Variants in PIGN observed in about 807,000 individuals in gnomAD.
PIGN encodes the protein GPI ethanolamine phosphate transferase 1.
In PIGN, 117 loss-of-function variants were observed where a neutral mutation model predicts 125.4. The observed-to-expected ratio is 0.93, with a 90% CI of 0.80 to 1.09. The LOEUF is 1.09. PIGN is among the 50% of genes least tolerant of loss of function. The pLI is 0.00. For synonymous variants in PIGN, 392 were observed against 377.8 expected (o/e 1.04, Z -0.44); for missense variants, 1,075 against 1,094.9 (o/e 0.98, Z 0.26).
At chr18:62,127,427 T>G (rs993132201) in intron 14 of PIGN, among the ~76,000 whole-genome samples, 2 of 152,098 alleles carry the variant, frequency 1.3e-5, no homozygotes, top group Non-Finnish European at 2.9e-5. Flanking sequence ...TGGTTTCTAT[T>G]GAATGCGTAT....
chr18:62,085,193 T>C lies in PIGN; in HGVS notation c.2426+16A>G, dbSNP rs763041828. The C allele has an allele frequency of 7.1e-7, 1 of 1,414,522 alleles. No individual in the cohort carries two copies. Among genetic ancestry groups the C allele is most frequent in the South Asian group, 1.3e-5 (1 of 79,596 alleles). The allele number at this position is 1,414,522 out of a possible 1,614,324, so 87.6% of individuals were successfully genotyped here. ...TTTTTTAGTTATATATATATGCCAC[T>C]TTCATTTAAAATTACCTGTTAATAG... On this transcript the variant is annotated intron_variant, in intron 26 of 30. Coordinates refer to ENST00000640252, the MANE Select transcript of PIGN (RefSeq NM_176787.5).
At chr18:62,156,837 A>G (rs1442815680) in intron 6 of PIGN, among the ~76,000 whole-genome samples, 1 of 152,192 alleles carries the variant, frequency 6.6e-6, no homozygotes, top group Non-Finnish European at 1.5e-5. Flanking sequence ...AGGAAATTGA[A>G]GCTCAGAGAG....
Position 62,126,660 on chromosome 18 carries a change from T to C in PIGN, c.1172+11583A>G, listed in dbSNP as rs139108214. ...CCAATATTCCAGCCTCTAGTATCCT[T>C]AACTGAGGGATTTCACCCAGCCTCA... On this transcript the variant is annotated intron_variant, in intron 14 of 30. Coordinates refer to ENST00000640252, the MANE Select transcript of PIGN (RefSeq NM_176787.5). Among the ~76,000 whole-genome samples the C allele has an allele frequency of 5.1e-3, 772 of 152,240 alleles. 5 individuals carry two copies. Among genetic ancestry groups the C allele is most frequent in the Non-Finnish European group, 8.5e-3 (576 of 68,004 alleles).
At chr18:62,155,546 G>A (rs1252702954) in intron 6 of PIGN, among the ~76,000 whole-genome samples, 1 of 152,072 alleles carries the variant, frequency 6.6e-6, no homozygotes, top group Non-Finnish European at 1.5e-5. Flanking sequence ...TCCAGCCTGG[G>A]CAACAAGGGC....
At chr18:62,046,633 T>C (rs913259936) in intron 30 of PIGN, among the ~76,000 whole-genome samples, 5 of 151,326 alleles carry the variant, frequency 3.3e-5, no homozygotes, top group African/African-American at 9.7e-5. Context: ...GCCAAAAAGG[T>C]TGGGGACTGC....
chr18:62,148,590 T>C (rs1412277533), intron 7 of PIGN, among the ~76,000 whole-genome samples: 1 of 152,182 alleles, frequency 6.6e-6, no homozygotes, highest in African/African-American at 2.4e-5. Context: ...CATAATTTCA[T>C]AGAGATCTCA....
chr18:62,183,627 GTC>G (rs1421359234), intron 1 of PIGN, among the ~76,000 whole-genome samples: 1 of 152,182 alleles, frequency 6.6e-6, no homozygotes, highest in African/African-American at 2.4e-5. Flanking sequence ...ATTAATGTCT[GTC>G]TCTGTCACTT....
intron 2 of PIGN, among the ~76,000 whole-genome samples, chr18:62,162,724 T>A (rs886405710): frequency 6.6e-6 from 1 of 152,152 alleles, no homozygotes; most frequent in African/African-American, 2.4e-5. Flanking sequence ...ACAAAGAGAA[T>A]CTTTATGTGT....
chr18:62,027,731 T>C (rs2030142065), intron 23 of PIGN, among the ~76,000 whole-genome samples: 1 of 152,042 alleles, frequency 6.6e-6, no homozygotes, highest in African/African-American at 2.4e-5. Context: ...CGCCAAGATT[T>C]ATTTTCCTTT....
In PIGN at chr18:62,113,240, A is replaced by C. The variant is rs1420803283; in HGVS notation, c.1328T>G (p.Leu443Trp). 6.2e-7 allele frequency: 1 copy of C among 1,612,814 alleles called. No homozygotes were observed. The highest frequency in any genetic ancestry group is 2.2e-5 in the East Asian group (1 of 44,742). The part of the protein sequence containing the change: ...SYYHTYDRFF[L>W]GVNVVIGFVG... Reference sequence around the variant, plus strand: ...AAAACCAATAACAACATTGACGCCCAAAAAGAATCTGTCATATGTGTGATA... The same window carrying C: ...AAAACCAATAACAACATTGACGCCCCAAAAGAATCTGTCATATGTGTGATA... Residue 443 changes from leucine to tryptophan, a missense_variant, in exon 16 of 31, where the codon TTG becomes TGG. By Grantham distance (61) the Leu-to-Trp change is moderately conservative (BLOSUM62 -2). Around this residue, in one of 3 missense-constraint regions of PIGN, gnomAD observed 915 missense variants for 908.7 expected, o/e 1.01. Coordinates refer to ENST00000640252, the MANE Select transcript of PIGN (RefSeq NM_176787.5).
chr18:62,030,821 T>C (rs780154122), intron 23 of PIGN, among the ~76,000 whole-genome samples: 16 of 152,176 alleles, frequency 1.1e-4, no homozygotes, highest in African/African-American at 1.9e-4. Context: ...TACTAACTTA[T>C]ATATGACTCT....
At chr18:62,101,017 A>G in intron 22 of PIGN, 58 bp downstream of exon 22, 1 of 879,688 alleles carries the variant, frequency 1.1e-6, no homozygotes, top group Non-Finnish European at 2.0e-6. Context: ...TAAACAGATC[A>G]TTTTAAAATA....
intron 23 of PIGN, among the ~76,000 whole-genome samples, chr18:62,029,522 C>A (rs1194294103): frequency 1.3e-5 from 2 of 152,122 alleles, no homozygotes; most frequent in Non-Finnish European, 2.9e-5. Context: ...TTTGCATTGT[C>A]AACAGCCAGT....
intron 5 of PIGN, 132 bp downstream of exon 5, chr18:62,157,555 G>C: frequency 1.2e-6 from 1 of 841,996 alleles, no homozygotes; most frequent in South Asian, 1.6e-5. Flanking sequence ...ATTCATGTCA[G>C]CAAAGCATGC....
rs2036093894 is a variant in PIGN, at chr18:62,140,473, T to C, written c.970A>G (p.Ile324Val). Residue 324 changes from isoleucine to valine, a missense_variant, in exon 12 of 31, where the codon ATT becomes GTT. Physicochemically the swap from Ile to Val is conservative, Grantham distance 29. Around this residue, in one of 3 missense-constraint regions of PIGN, gnomAD observed 915 missense variants for 908.7 expected, o/e 1.01. Coordinates refer to ENST00000640252, the MANE Select transcript of PIGN (RefSeq NM_176787.5). ...WKRLDVNQAD[I>V]APLMTSLIGV... is the part of the protein sequence containing the mutation. ...ATAAGGGAAGTCATCAATGGTGCAA[T>C]ATCAGCCTACAAATAAAAAAGCTCA... is the stretch of plus-strand genomic sequence containing the variant. 4.5e-6 allele frequency: 7 copies of C among 1,540,580 alleles called. No individual in the cohort carries two copies. The African/African-American group carries it at 5.4e-5, about 12-fold the overall frequency.
rs763435511 is a variant in PIGN at position 62,153,738 on chromosome 18, T to C, written c.549+807A>G. 1.1e-4 allele frequency: 16 copies of C among 152,174 alleles called. 1 individual carries two copies. Among genetic ancestry groups the C allele is most frequent in the Non-Finnish European group, 2.2e-4 (15 of 68,020 alleles). 9.4% of individuals were successfully genotyped at this position (152,174 alleles called of 1,614,324 possible). A position where few individuals can be genotyped will look rare whatever the true frequency, so the allele number is the denominator to read the frequency against. On this transcript the variant is annotated intron_variant, in intron 7 of 30. Transcript: ENST00000640252. ...AATGAATTTTAGAGCACTTAATTTC[T>C]GCTAAGCAAATACAAAGAAAAAGGC...
intron 1 of PIGN, among the ~76,000 whole-genome samples, chr18:62,176,241 G>A (rs1260567725): frequency 1.3e-5 from 2 of 151,948 alleles, no homozygotes; most frequent in African/African-American, 4.8e-5. Context: ...ATATTAATGA[G>A]TTTAGAATCC....
chr18:62,070,569 A>G (rs2032785541), intron 30 of PIGN: 1 of 397,380 alleles, frequency 2.5e-6, no homozygotes, highest in South Asian at 1.3e-4. Flanking sequence ...AAACCCATAC[A>G]ATTCCTGGCA....
chr18:62,017,978 C>T (rs2030002243), intron 23 of PIGN, among the ~76,000 whole-genome samples: 1 of 152,156 alleles, frequency 6.6e-6, no homozygotes, highest in African/African-American at 2.4e-5. Context: ...GAGTTGGCAA[C>T]GAACAGTGTG....
Sources: gnomAD v4.1 joint callset for allele counts (sites outside exome capture counted in the v4.1 genomes callset) on GRCh38, gnomAD v4.1.1 for gene constraint, gnomAD v4.1.1 regional missense constraint, MANE v1.5 for transcripts, NCBI Gene and HGNC (gene_info 2026-07-23, HGNC 2026-07-21) for gene names.